The following GRM8 variants were observed in gnomAD, a reference collection of about 807,000 sequenced individuals.
The protein encoded by GRM8 is glutamate metabotropic receptor 8.
In GRM8, 47 loss-of-function variants were observed where a neutral mutation model predicts 87.2. The ratio of observed to expected loss-of-function variants is 0.54; its 90% CI spans 0.43 to 0.69. The LOEUF (loss-of-function observed/expected upper bound fraction) is 0.69, where lower values mean the gene tolerates loss of function less well. Ranked by LOEUF, GRM8 falls within the 30% of genes least tolerant of loss-of-function variation. GRM8 has a pLI of 0.00. For synonymous variants in GRM8, 396 were observed against 404.5 expected (o/e 0.98, Z 0.25); for missense variants, 1,019 against 1,139.2 (o/e 0.89, Z 1.52).
chr7:126,578,127 T>C (rs1040833766), intron 8 of GRM8, among the ~76,000 whole-genome samples: 1 of 152,220 alleles, frequency 6.6e-6, no homozygotes, highest in African/African-American at 2.4e-5. Flanking sequence ...CTTATATCCA[T>C]ATTTTTCCTG....
Position 126,763,442 on chromosome 7 carries a change from CATATAT to C in GRM8, c.1357+6417_1357+6422del, listed in dbSNP as rs750564318. Among the ~76,000 whole-genome samples, 882 of 119,880 alleles carry C rather than the reference CATATAT, an allele frequency of 7.4e-3. 8 individuals carry two copies. Among genetic ancestry groups the C allele is most frequent in the Middle Eastern group, 0.027 (4 of 150 alleles). The allele number at this position is 119,880 out of a possible 152,430, so 78.6% of individuals were successfully genotyped here. ...AGCCACCATTATCATATGATAAATT[CATATAT>C]ATATATATATATATATATATATATA... On this transcript the variant is annotated intron_variant, in intron 7 of 10. Transcript: ENST00000339582.
At chr7:126,838,601 A>G (rs1563236538) in intron 6 of GRM8, among the ~76,000 whole-genome samples, 1 of 152,178 alleles carries the variant, frequency 6.6e-6, no homozygotes, top group East Asian at 1.9e-4. Context: ...TATATCCCAC[A>G]TACTACTTTA....
chr7:127,008,384 A>G (rs1386456808), intron 3 of GRM8, among the ~76,000 whole-genome samples: 1 of 152,158 alleles, frequency 6.6e-6, no homozygotes, highest in African/African-American at 2.4e-5. Context: ...ATATGAAAGA[A>G]GAAGAAAACA....
chr7:126,568,986 T>C (rs1284748675), intron 8 of GRM8, among the ~76,000 whole-genome samples: 1 of 152,058 alleles, frequency 6.6e-6, no homozygotes. Flanking sequence ...CCTGAATAAA[T>C]AAACCAGAGA....
intron 7 of GRM8, among the ~76,000 whole-genome samples, chr7:126,719,272 G>A (rs552404254): frequency 4.7e-4 from 71 of 152,242 alleles, no homozygotes; most frequent in Non-Finnish European, 9.6e-4. Context: ...TGCATTAATC[G>A]TTTTAACTTA....
intron 9 of GRM8, among the ~76,000 whole-genome samples, chr7:126,479,092 C>A (rs895746552): frequency 6.6e-6 from 1 of 151,082 alleles, no homozygotes; most frequent in Non-Finnish European, 1.5e-5. Context: ...ACTACCTTAG[C>A]CTTTTATGCT....
chr7:127,243,239 A>G lies in GRM8; in HGVS notation c.-35T>C, dbSNP rs750689374. On this transcript the variant is annotated 5_prime_UTR_variant, in exon 2 of 11. Coordinates refer to ENST00000339582, the MANE Select transcript of GRM8 (RefSeq NM_000845.3). ...AGGTGGTATTGCAATCCAAGACCCA[A>G]AGTTTATTCTTGCCACAGAAGAAAG... The G allele has an allele frequency of 1.3e-6, 2 of 1,569,740 alleles. No individual in the cohort carries two copies. Among genetic ancestry groups the G allele is most frequent in the South Asian group, 2.3e-5 (2 of 85,522 alleles).
In GRM8 at chr7:126,596,673, T is replaced by A. The variant is rs796208974; in HGVS notation, c.1494+12689A>T. On this transcript the variant is annotated intron_variant, in intron 8 of 10. Coordinates refer to ENST00000339582, the MANE Select transcript of GRM8 (RefSeq NM_000845.3). Reference sequence around the variant, plus strand: ...TCTGTATGTTTACTGTGGTAGCACATACGCAGATATAAATGGTTAACAAAA... The same window carrying A: ...TCTGTATGTTTACTGTGGTAGCACAAACGCAGATATAAATGGTTAACAAAA... Among the ~76,000 whole-genome samples, 45 of 152,288 alleles carry A rather than the reference T, an allele frequency of 3.0e-4. 1 individual carries two copies. Among genetic ancestry groups the A allele is most frequent in the African/African-American group, 1.0e-3 (43 of 41,580 alleles).
intron 8 of GRM8, among the ~76,000 whole-genome samples, chr7:126,608,076 T>C (rs1371581617): frequency 1.3e-5 from 2 of 151,946 alleles, no homozygotes; most frequent in East Asian, 1.9e-4. Flanking sequence ...GGCAAAGGGC[T>C]GTTAAAATGT....
chr7:126,518,565 G>A (rs1285818095), intron 9 of GRM8, among the ~76,000 whole-genome samples: 1 of 151,992 alleles, frequency 6.6e-6, no homozygotes, highest in Non-Finnish European at 1.5e-5. Context: ...GGGCTCTTGG[G>A]AAAAGTAATT....
chr7:126,499,801 T>C lies in GRM8; in HGVS notation c.2430+33151A>G, dbSNP rs528558214. ...GTGGTTACCAGAGGCTGGGGGGAGG[T>C]GGGTGGATGGGGAAAAAGGAAATGT... is the stretch of plus-strand genomic sequence containing the variant. On this transcript the variant is annotated intron_variant, in intron 9 of 10. Coordinates refer to ENST00000339582, the MANE Select transcript of GRM8 (RefSeq NM_000845.3). Among the ~76,000 whole-genome samples the C allele has an allele frequency of 2.0e-5, 3 of 150,564 alleles. No individual in the cohort carries two copies. The South Asian group carries it at 6.3e-4, about 32-fold the overall frequency.
chr7:127,212,334 C>G (rs558976131), intron 2 of GRM8, among the ~76,000 whole-genome samples: 75 of 151,002 alleles, frequency 5.0e-4, no homozygotes, highest in African/African-American at 1.5e-3. Flanking sequence ...TTATTTGGGT[C>G]AAGTTCATAC....
At chr7:126,690,944 T>C (rs1447459370) in intron 7 of GRM8, among the ~76,000 whole-genome samples, 2 of 152,030 alleles carry the variant, frequency 1.3e-5, no homozygotes, top group East Asian at 1.9e-4. Context: ...TGAATGCTGA[T>C]TGGTCCATGG....
intron 1 of GRM8, among the ~76,000 whole-genome samples, chr7:127,245,862 T>C (rs13232203): frequency 0.11 from 17,423 of 152,204 alleles, 1,250 homozygotes; most frequent in Middle Eastern, 0.26. Context: ...GCTTTTCTTG[T>C]CTGTAAAGGT....
At chr7:127,233,411 G>A (rs1797810032) in intron 2 of GRM8, among the ~76,000 whole-genome samples, 1 of 152,078 alleles carries the variant, frequency 6.6e-6, no homozygotes, top group African/African-American at 2.4e-5. Flanking sequence ...AGTATGACAT[G>A]GTATTTGTTC....
intron 6 of GRM8, among the ~76,000 whole-genome samples, chr7:126,821,084 G>A (rs748328510): frequency 1.3e-4 from 20 of 152,104 alleles, no homozygotes; most frequent in Admixed American, 2.6e-4. Context: ...CCTGGGCGAC[G>A]GAGCAAGACT....
intron 6 of GRM8, among the ~76,000 whole-genome samples, chr7:126,859,323 C>T (rs1797958524): frequency 6.6e-6 from 1 of 152,270 alleles, no homozygotes; most frequent in East Asian, 1.9e-4. Flanking sequence ...AACTCCATGT[C>T]AGAAGCCCTT....
At chr7:126,754,524 CACTG>C (rs2151553209) in intron 7 of GRM8, among the ~76,000 whole-genome samples, 1 of 152,006 alleles carries the variant, frequency 6.6e-6, no homozygotes, top group Admixed American at 6.6e-5. Context: ...TTATCCCAGT[CACTG>C]TTCAAAGATA....
intron 9 of GRM8, among the ~76,000 whole-genome samples, chr7:126,530,285 A>G (rs549443782): frequency 2.6e-5 from 4 of 152,350 alleles, no homozygotes; most frequent in African/African-American, 9.6e-5. Flanking sequence ...GCATACTGGA[A>G]GACATTTTGC....
Sources: gnomAD v4.1 joint callset for allele counts (sites outside exome capture counted in the v4.1 genomes callset) on GRCh38, gnomAD v4.1.1 for gene constraint, MANE v1.5 for transcripts, NCBI Gene and HGNC (gene_info 2026-07-23, HGNC 2026-07-21) for gene names.